NELL2: variants seen among roughly 807,000 people sequenced by gnomAD.
NELL2 encodes protein kinase C-binding protein NELL2.
A neutral mutation model predicts 109.6 loss-of-function variants in NELL2; 41 were observed. That is an observed-to-expected ratio of 0.37 (90% CI 0.29 to 0.49). NELL2 has a LOEUF of 0.49. Among genes scored for constraint, NELL2 ranks in the 20% least tolerant of loss-of-function variants. NELL2 has a pLI of 0.98. For missense variants in NELL2, 900 were observed against 1,008.3 expected (o/e 0.89, Z 1.45); for synonymous variants, 355 against 344.7 (o/e 1.03, Z -0.33).
At chr12:44,876,791 G>C, upstream of NELL2, 1 of 1,386,160 alleles carries the variant, frequency 7.2e-7, no homozygotes, top group Non-Finnish European at 9.4e-7. Flanking sequence ...CAGGGCGTGC[G>C]GAGGAAGGCC....
At chr12:44,852,579 A>G (rs1051177088) in intron 2 of NELL2, among the ~76,000 whole-genome samples, 14 of 152,194 alleles carry the variant, frequency 9.2e-5, no homozygotes, top group African/African-American at 3.4e-4. Context: ...ATCAGTCCTG[A>G]AAAGTTTTAG....
chr12:44,690,832 T>C (rs1304218703), intron 12 of NELL2, among the ~76,000 whole-genome samples: 1 of 152,206 alleles, frequency 6.6e-6, no homozygotes, highest in African/African-American at 2.4e-5. Context: ...TTTCTGATGA[T>C]AGAAGCCAAT....
chr12:44,774,968 C>T, intron 8 of NELL2, 119 bp from the exon 9 acceptor site: 2 of 694,196 alleles, frequency 2.9e-6, no homozygotes, highest in Non-Finnish European at 4.7e-6. Flanking sequence ...ACAGGCCATT[C>T]ATTGCCAGGA....
chr12:44,758,370 A>G (rs1940981778), intron 9 of NELL2, among the ~76,000 whole-genome samples: 3 of 152,244 alleles, frequency 2.0e-5, no homozygotes, highest in Admixed American at 6.5e-5. Context: ...TGTGCCACAC[A>G]TAACTCCTAG....
chr12:44,828,712 G>C (rs1943794359), intron 2 of NELL2, among the ~76,000 whole-genome samples: 1 of 152,030 alleles, frequency 6.6e-6, no homozygotes, highest in Non-Finnish European at 1.5e-5. Flanking sequence ...TAAAAGTCAG[G>C]ATATGGGGGT....
chr12:44,788,630 T>C (rs1309372641), intron 3 of NELL2, among the ~76,000 whole-genome samples: 2 of 152,108 alleles, frequency 1.3e-5, no homozygotes, highest in African/African-American at 4.8e-5. Flanking sequence ...CTGAACTTTG[T>C]AACAATTTAA....
intron 9 of NELL2, among the ~76,000 whole-genome samples, chr12:44,726,752 T>C (rs941476185): frequency 7.9e-5 from 12 of 152,200 alleles, no homozygotes; most frequent in Non-Finnish European, 1.8e-4. Flanking sequence ...AATTTTAGTT[T>C]ATCAACTTTT....
chr12:44,833,397 T>C (rs1352048228), intron 2 of NELL2, among the ~76,000 whole-genome samples: 1 of 152,234 alleles, frequency 6.6e-6, no homozygotes, highest in African/African-American at 2.4e-5. Context: ...TTTTCATTAT[T>C]TTTCAGTGTA....
At chr12:44,546,315 T>C (rs1374659978) in intron 15 of NELL2, among the ~76,000 whole-genome samples, 2 of 152,046 alleles carry the variant, frequency 1.3e-5, no homozygotes, top group East Asian at 3.8e-4. Flanking sequence ...AATTCACTGA[T>C]GGATGGCTTC....
intron 15 of NELL2, among the ~76,000 whole-genome samples, chr12:44,556,132 T>C (rs563289720): frequency 6.6e-6 from 1 of 152,220 alleles, no homozygotes; most frequent in South Asian, 2.1e-4. Flanking sequence ...TAATCCAGCA[T>C]AGCTGGCATG....
intron 9 of NELL2, among the ~76,000 whole-genome samples, chr12:44,754,800 T>A (rs1018271602): frequency 1.3e-5 from 2 of 152,174 alleles, no homozygotes; most frequent in Non-Finnish European, 2.9e-5. Context: ...TATTGAAAAG[T>A]ATAAAGTAAA....
At chr12:44,716,227 T>C (rs1938479390) in intron 9 of NELL2, among the ~76,000 whole-genome samples, 2 of 152,184 alleles carry the variant, frequency 1.3e-5, no homozygotes, top group Admixed American at 1.3e-4. Flanking sequence ...AATAAATTAA[T>C]TAAATAATGG....
chr12:44,777,318 T>C lies in NELL2; in HGVS notation c.607-4A>G. 1 of 1,612,108 alleles carries C rather than the reference T, an allele frequency of 6.2e-7. No homozygotes were observed. Among genetic ancestry groups the C allele is most frequent in the African/African-American group, 1.3e-5 (1 of 74,986 alleles). ...ATTGGACATCTTGCATTATACCCTG[T>C]GTGTGAAAAATAGAAAAAAAAGACA... On this transcript the variant is annotated splice_polypyrimidine_tract_variant and splice_region_variant and intron_variant, in intron 5 of 19. Transcript: ENST00000429094.
At chr12:44,730,169 C>G (rs921742667) in intron 9 of NELL2, among the ~76,000 whole-genome samples, 1 of 152,076 alleles carries the variant, frequency 6.6e-6, no homozygotes, top group South Asian at 2.1e-4. Context: ...AAGGGAGAAA[C>G]AGACAGTAAC....
chr12:44,840,540 G>A lies in NELL2; in HGVS notation c.185-24404C>T, dbSNP rs553953786. Among the ~76,000 whole-genome samples, 117 of 152,248 alleles carry A rather than the reference G, an allele frequency of 7.7e-4. 1 individual carries two copies. The highest frequency in any genetic ancestry group is 1.8e-4 in the Non-Finnish European group (12 of 68,014). On this transcript the variant is annotated intron_variant, in intron 2 of 19. Coordinates refer to ENST00000429094, the MANE Select transcript of NELL2 (RefSeq NM_001145108.2). ...TAGTGCCAGCTACTCGGGAGGCTGAGGCAGGAGAATGGTGAGAACCCGGGA... is the reference window on the plus strand; with the variant it reads ...TAGTGCCAGCTACTCGGGAGGCTGAAGCAGGAGAATGGTGAGAACCCGGGA...
intron 2 of NELL2, among the ~76,000 whole-genome samples, chr12:44,846,523 T>C (rs1054562417): frequency 1.3e-5 from 2 of 152,238 alleles, no homozygotes; most frequent in African/African-American, 2.4e-5. Context: ...ATAATGTTGC[T>C]ACTGCACCCT....
At chr12:44,858,878 T>C (rs540523834) in intron 2 of NELL2, among the ~76,000 whole-genome samples, 63 of 152,320 alleles carry the variant, frequency 4.1e-4, no homozygotes, top group African/African-American at 1.4e-3. Context: ...ACCAGAATGA[T>C]AAGTACTTCA....
intron 2 of NELL2, among the ~76,000 whole-genome samples, chr12:44,825,391 CTTTTTTTTTTTTTTT>C (rs34266446): frequency 1.2e-5 from 1 of 83,608 alleles, no homozygotes; most frequent in African/African-American, 5.0e-5. Flanking sequence ...TATTCATTTC[CTTTTTTTTTTTTTTT>C]TTTTTTTTGA....
intron 15 of NELL2, among the ~76,000 whole-genome samples, chr12:44,560,430 G>T (rs1943426296): frequency 6.6e-6 from 1 of 152,026 alleles, no homozygotes; most frequent in Admixed American, 6.6e-5. Flanking sequence ...TAGACTGCTA[G>T]CTAGACTAAT....
Sources: gnomAD v4.1 joint callset for allele counts (sites outside exome capture counted in the v4.1 genomes callset) on GRCh38, gnomAD v4.1.1 for gene constraint, MANE v1.5 for transcripts, NCBI Gene and HGNC (gene_info 2026-07-23, HGNC 2026-07-21) for gene names.